The following ZNF521 variants were observed in gnomAD, a reference collection of about 807,000 sequenced individuals.
ZNF521 encodes the protein zinc finger protein 521, also known as LYST-interacting protein 3.
In ZNF521, 14 loss-of-function variants were observed where a neutral mutation model predicts 105.5. The ratio of observed to expected loss-of-function variants is 0.13; its 90% CI spans 0.09 to 0.21. The LOEUF (loss-of-function observed/expected upper bound fraction) is 0.21, where lower values mean the gene tolerates loss of function less well. Among genes scored for constraint, ZNF521 ranks in the 10% least tolerant of loss-of-function variants. ZNF521 has a pLI of 1.00. For missense variants in ZNF521, 1,233 were observed against 1,629.7 expected (o/e 0.76, Z 4.19); for synonymous variants, 635 against 606.0 (o/e 1.05, Z -0.70).
At position 25,271,846 on chromosome 18, in the gene ZNF521, G is replaced by A. The variant is rs1214882459; in HGVS notation, c.221-44149C>T. ...CCTAGGCAATACCATTCAGGATATAGGCATGGGCAAAGACTTCATGACTAA... is the reference window on the plus strand; with the variant it reads ...CCTAGGCAATACCATTCAGGATATAAGCATGGGCAAAGACTTCATGACTAA... On this transcript the variant is annotated intron_variant, in intron 3 of 7. Transcript: ENST00000361524. Among the ~76,000 whole-genome samples the A allele has an allele frequency of 2.6e-5, 4 of 152,180 alleles. 1 individual carries two copies. Among genetic ancestry groups the A allele is most frequent in the Non-Finnish European group, 5.9e-5 (4 of 68,032 alleles).
chr18:25,083,804 C>T (rs1241340492), intron 7 of ZNF521, among the ~76,000 whole-genome samples: 1 of 151,900 alleles, frequency 6.6e-6, no homozygotes, highest in Non-Finnish European at 1.5e-5. Flanking sequence ...CTCTCTCTCT[C>T]TGTCGCCCAG....
At chr18:25,121,111 A>ATTTTTTTTTT (rs5823467) in intron 5 of ZNF521, among the ~76,000 whole-genome samples, 1 of 118,678 alleles carries the variant, frequency 8.4e-6, no homozygotes, top group Admixed American at 9.9e-5. Context: ...AAGAAGGAGT[A>ATTTTTTTTTT]TTTTTTTTTT....
chr18:25,101,819 T>C (rs184864446), intron 5 of ZNF521, among the ~76,000 whole-genome samples: 1 of 152,158 alleles, frequency 6.6e-6, no homozygotes, highest in Non-Finnish European at 1.5e-5. Flanking sequence ...CATCTCTGGA[T>C]AGAATGCTGG....
At chr18:25,158,276 A>G (rs2035184735) in intron 5 of ZNF521, among the ~76,000 whole-genome samples, 1 of 152,068 alleles carries the variant, frequency 6.6e-6, no homozygotes, top group Non-Finnish European at 1.5e-5. Context: ...TAAAGTATAT[A>G]TGCATGTGCA....
chr18:25,261,363 G>A (rs542061038), intron 3 of ZNF521, among the ~76,000 whole-genome samples: 3 of 152,150 alleles, frequency 2.0e-5, no homozygotes, highest in Admixed American at 6.5e-5. Context: ...TGTGGTCAAC[G>A]AGACTGATTC....
intron 1 of ZNF521, chr18:25,351,667 C>T (rs1451447407): frequency 6.5e-6 from 1 of 153,102 alleles, no homozygotes; most frequent in African/African-American, 2.4e-5. Flanking sequence ...TCCCTTCCCC[C>T]CACCCTTTTT....
chr18:25,225,341 C>T lies in ZNF521; in HGVS notation c.2577G>A (p.Gln859=). The change falls in exon 4 of 8, where the codon CAG becomes CAA. Residue 859 remains glutamine, a synonymous_variant. Transcript: ENST00000361524. This position sits in a 1 kb window ranked among gnomAD's most constrained non-coding sequence, Gnocchi z 5.6. ...EQVQKEEVEL[Q]TLLTNSQESH... is the part of the protein sequence containing the mutation. Reference sequence around the variant, plus strand: ...ACTCCTGGCTGTTGGTCAGCAAAGTCTGCAGCTCCACTTCCTCTTTCTGCA... The same window carrying T: ...ACTCCTGGCTGTTGGTCAGCAAAGTTTGCAGCTCCACTTCCTCTTTCTGCA... The T allele has an allele frequency of 6.2e-7, 1 of 1,614,198 alleles. No homozygotes were observed. The highest frequency in any genetic ancestry group is 8.5e-7 in the Non-Finnish European group (1 of 1,180,036).
chr18:25,154,888 T>C (rs1308080814), intron 5 of ZNF521, among the ~76,000 whole-genome samples: 1 of 152,160 alleles, frequency 6.6e-6, no homozygotes, highest in East Asian at 1.9e-4. Context: ...GGTGATTTCA[T>C]TTTCTTTGGG....
At chr18:25,322,301 G>C (rs777675690) in intron 2 of ZNF521, 114 bp from the exon 3 acceptor site, 17 of 1,041,606 alleles carry the variant, frequency 1.6e-5, no homozygotes, top group African/African-American at 6.2e-5. Flanking sequence ...GTTGCAATAG[G>C]AGGGCTTCAT....
chr18:25,124,168 A>G (rs1339129869), intron 5 of ZNF521, among the ~76,000 whole-genome samples: 1 of 151,986 alleles, frequency 6.6e-6, no homozygotes, highest in Non-Finnish European at 1.5e-5. Flanking sequence ...GAGAGCAAAA[A>G]TCTCTAGTCA....
intron 3 of ZNF521, among the ~76,000 whole-genome samples, chr18:25,304,877 A>G (rs146735399): frequency 6.6e-6 from 1 of 152,218 alleles, no homozygotes; most frequent in African/African-American, 2.4e-5. Context: ...AATACTGTAC[A>G]TGTGTTTACG....
chr18:25,149,937 CA>C (rs1281026488), intron 5 of ZNF521, among the ~76,000 whole-genome samples: 3 of 152,148 alleles, frequency 2.0e-5, no homozygotes, highest in African/African-American at 7.2e-5. Context: ...ACACCTCCAT[CA>C]AAACTTTTTT....
intron 3 of ZNF521, among the ~76,000 whole-genome samples, chr18:25,253,550 G>A (rs1055726398): frequency 3.9e-4 from 59 of 152,084 alleles, no homozygotes; most frequent in African/African-American, 1.4e-3. Flanking sequence ...TGCTCAAAGT[G>A]GTGTATATAT....
intron 7 of ZNF521, among the ~76,000 whole-genome samples, chr18:25,068,046 G>GA (rs1374864855): frequency 1.3e-5 from 2 of 151,628 alleles, no homozygotes; most frequent in African/African-American, 2.4e-5. Flanking sequence ...AAAAAGGAAT[G>GA]AAAAAAAATA....
At chr18:25,097,507 G>A (rs1195365512) in intron 5 of ZNF521, among the ~76,000 whole-genome samples, 1 of 152,050 alleles carries the variant, frequency 6.6e-6, no homozygotes. Context: ...CCTGAAGACC[G>A]ACGCTAGCAC....
At chr18:25,324,398 C>CAAA (rs34574068) in intron 2 of ZNF521, among the ~76,000 whole-genome samples, 1 of 116,470 alleles carries the variant, frequency 8.6e-6, no homozygotes, top group Non-Finnish European at 1.8e-5. Flanking sequence ...GCAACAGATG[C>CAAA]AAAAAAAAAA....
At position 25,282,486 on chromosome 18, in the gene ZNF521, G is replaced by A. The variant is rs148584306; in HGVS notation, c.220+39522C>T. 2.5e-4 allele frequency among the ~76,000 whole-genome samples: 38 copies of A among 152,218 alleles called. 1 individual carries two copies. The highest frequency in any genetic ancestry group is 4.9e-4 in the Non-Finnish European group (33 of 67,994). ...AACATAGTTCAGTGTTTGGAAAGAG[G>A]AAGTCTGCAGAGCGGCACTCCATCC... On this transcript the variant is annotated intron_variant, in intron 3 of 7. Transcript: ENST00000361524.
At chr18:25,192,830 C>A (rs191335976) in intron 5 of ZNF521, among the ~76,000 whole-genome samples, 660 of 152,100 alleles carry the variant, frequency 4.3e-3, no homozygotes, top group Non-Finnish European at 6.2e-3. Context: ...GGTATCTTAG[C>A]CTTTGTGACT....
At chr18:25,294,502 T>C (rs1468508950) in intron 3 of ZNF521, among the ~76,000 whole-genome samples, 1 of 152,168 alleles carries the variant, frequency 6.6e-6, no homozygotes, top group Non-Finnish European at 1.5e-5. Flanking sequence ...CAGTCAAATG[T>C]AACGAAAATG....
Sources: gnomAD v4.1 joint callset for allele counts (sites outside exome capture counted in the v4.1 genomes callset) on GRCh38, gnomAD v4.1.1 for gene constraint, Gnocchi (gnomAD v3.1) non-coding constraint, MANE v1.5 for transcripts, NCBI Gene and HGNC (gene_info 2026-07-23, HGNC 2026-07-21) for gene names.